Variants in RRP1 observed in about 807,000 individuals in gnomAD.
The protein encoded by RRP1 is ribosomal RNA processing protein 1 homolog A.
RRP1 carries 37 observed loss-of-function variants against 54.6 expected under a neutral mutation model. The ratio of observed to expected loss-of-function variants is 0.68; its 90% confidence interval spans 0.52 to 0.89. The LOEUF (loss-of-function observed/expected upper bound fraction) is 0.89, where lower values mean the gene tolerates loss of function less well. Ranked by LOEUF, RRP1 falls within the 40% of genes least tolerant of loss-of-function variation. The probability of loss-of-function intolerance (pLI) is 0.00; values close to 1 mark genes in which losing one functional copy is unlikely to be tolerated. For missense variants in RRP1, 639 were observed against 612.5 expected (o/e 1.04, Z -0.46); for synonymous variants, 262 against 244.3 (o/e 1.07, Z -0.67).
chr21:43,790,816 T>C (rs1329668643), intron 1 of RRP1: 2 of 343,768 alleles, frequency 5.8e-6, no homozygotes, highest in Non-Finnish European at 5.7e-6. Flanking sequence ...CTTGAACTCC[T>C]GGCCTCAAGT....
rs748872021 is a variant in RRP1 at position 43,797,485 on chromosome 21, C to T, written c.486C>T (p.Pro162=). The change falls in exon 6 of 13, where the codon CCC becomes CCT. Residue 162 remains proline, a synonymous_variant. Coordinates refer to ENST00000497547, the MANE Select transcript of RRP1 (RefSeq NM_003683.6). ...TEILHPSSQA[P]NGVKSHFIEI... is the part of the protein sequence containing the mutation. ...TCCTGCACCCCAGCAGCCAGGCCCC[C>T]AACGGTGTGAAGAGCCACTTCATCG... 20 of 1,613,802 alleles carry T rather than the reference C, an allele frequency of 1.2e-5. No individual in the cohort carries two copies. Among genetic ancestry groups the T allele is most frequent in the Admixed American group, 6.7e-5 (4 of 60,010 alleles).
In RRP1 at chr21:43,789,773, G is replaced by T. The variant is rs767559581; in HGVS notation, c.133+11G>T. 8 of 1,509,652 alleles carry T rather than the reference G, an allele frequency of 5.3e-6. No individual in the cohort carries two copies. Among genetic ancestry groups the T allele is most frequent in the East Asian group, 2.8e-5 (1 of 36,154 alleles). 93.5% of individuals were successfully genotyped at this position (1,509,652 alleles called of 1,614,324 possible). A position where few individuals can be genotyped will look rare whatever the true frequency, so the allele number is the denominator to read the frequency against. On this transcript the variant is annotated intron_variant, in intron 1 of 12. Coordinates refer to ENST00000497547, the MANE Select transcript of RRP1 (RefSeq NM_003683.6). ...CTCAGCGGGCCGCAGGTTGGCGGGG[G>T]TGTGGGCGGCTGGCGTCTCGGGGGC... is the stretch of plus-strand genomic sequence containing the variant.
In RRP1 at chr21:43,789,682, C is replaced by T; in HGVS notation, c.53C>T (p.Ala18Val). The part of the protein sequence containing the change: ...PPEIQLAQRL[A>V]GNEQVTRDRA... ...GAGATCCAGCTGGCTCAGCGCCTGG[C>T]GGGGAATGAGCAGGTGACCCGGGAC... Residue 18 changes from alanine to valine, a missense_variant, in exon 1 of 13, where the codon GCG becomes GTG. Physicochemically the swap from Ala to Val is moderately conservative, Grantham distance 64. Coordinates refer to ENST00000497547, the MANE Select transcript of RRP1 (RefSeq NM_003683.6). 6.4e-7 allele frequency: 1 copy of T among 1,569,730 alleles called. No homozygotes were observed. Among genetic ancestry groups the T allele is most frequent in the Non-Finnish European group, 8.6e-7 (1 of 1,158,850 alleles).
At position 43,802,419 on chromosome 21, in the gene RRP1, C is replaced by T. The variant is rs77504181; in HGVS notation, c.1123+32C>T. ...CTAGGGGGTGTGTTAGTCATGGAGC[C>T]GGCGTCCTCACCTGCTTGCTTCTCC... is the stretch of plus-strand genomic sequence containing the variant. On this transcript the variant is annotated intron_variant, in intron 12 of 12. Coordinates refer to ENST00000497547, the MANE Select transcript of RRP1 (RefSeq NM_003683.6). The T allele has an allele frequency of 1.9e-4, 296 of 1,568,370 alleles. 1 individual carries two copies. The highest frequency in any genetic ancestry group is 1.4e-3 in the African/African-American group (104 of 74,128).
At chr21:43,793,486 C>CA in intron 4 of RRP1, 82 bp downstream of exon 4, 1 of 1,237,958 alleles carries the variant, frequency 8.1e-7, no homozygotes, top group African/African-American at 1.5e-5. Context: ...GGCACCTGGG[C>CA]AGGGAGGCAA....
intron 5 of RRP1, among the ~76,000 whole-genome samples, chr21:43,796,228 C>T (rs543183647): frequency 1.6e-4 from 25 of 151,874 alleles, no homozygotes; most frequent in Non-Finnish European, 3.2e-4. Context: ...TTTAGGGCAG[C>T]GGTGCCTCTG....
rs753509960 is a variant in RRP1, at chr21:43,800,571, A to G, written c.946A>G (p.Thr316Ala). The G allele has an allele frequency of 1.2e-6, 2 of 1,614,116 alleles. No homozygotes were observed. The highest frequency in any genetic ancestry group is 4.5e-5 in the East Asian group (2 of 44,898). Reference sequence around the variant, plus strand: ...GTTTGAAATGGCCAGCCGCCAGAGCACCCCTTCTCAGAACAGAAAGCGTCT... The same window carrying G: ...GTTTGAAATGGCCAGCCGCCAGAGCGCCCCTTCTCAGAACAGAAAGCGTCT... ...RLFEMASRQSTPSQNRKRLYK... is the reference protein window; with the variant it reads ...RLFEMASRQSAPSQNRKRLYK... Residue 316 changes from threonine (T) to alanine (A), a missense_variant, in exon 10 of 13, where the codon ACC becomes GCC. Coordinates refer to ENST00000497547, the MANE Select transcript of RRP1 (RefSeq NM_003683.6).
Position 43,800,654 on chromosome 21 carries a change from G to C in RRP1, c.989+40G>C, listed in dbSNP as rs753608630. 4 of 1,597,054 alleles carry C rather than the reference G, an allele frequency of 2.5e-6. No homozygotes were observed. In the Admixed American group the frequency reaches 6.7e-5, roughly 27 times the overall value. On this transcript the variant is annotated intron_variant, in intron 10 of 12. Coordinates refer to ENST00000497547, the MANE Select transcript of RRP1 (RefSeq NM_003683.6). ...GCGCTGCGTCCTCCCTGCTCCCCTT[G>C]GAGTTGCCCTTTCTTGCTCAGATCT...
intron 4 of RRP1, among the ~76,000 whole-genome samples, chr21:43,794,368 C>T (rs968432636): frequency 6.6e-6 from 1 of 152,150 alleles, no homozygotes; most frequent in Non-Finnish European, 1.5e-5. Flanking sequence ...TGGATGCGTT[C>T]TGCTGCTTTC....
chr21:43,790,825 G>C (rs922985746), intron 1 of RRP1: 14 of 349,508 alleles, frequency 4.0e-5, no homozygotes, highest in African/African-American at 2.8e-4. Context: ...CTGGCCTCAA[G>C]TGATCCTGCC....
rs558081496 is a variant in RRP1 at position 43,796,812 on chromosome 21, G to A, written c.423-610G>A. ...ACCCCAGGAGGTCCAGATGCATGTA[G>A]GTGCTACACATTATTCTCTGGGGCT... is the stretch of plus-strand genomic sequence containing the variant. On this transcript the variant is annotated intron_variant, in intron 5 of 12. Coordinates refer to ENST00000497547, the MANE Select transcript of RRP1 (RefSeq NM_003683.6). 2.0e-5 allele frequency among the ~76,000 whole-genome samples: 3 copies of A among 152,304 alleles called. No homozygotes were observed. The East Asian group carries it at 5.8e-4, about 29-fold the overall frequency.
At chr21:43,792,864 T>C in intron 3 of RRP1, 135 bp downstream of exon 3, 1 of 857,246 alleles carries the variant, frequency 1.2e-6, no homozygotes, top group Non-Finnish European at 1.9e-6. Context: ...CGCCAGCTGG[T>C]GTCTGTGGGT....
chr21:43,796,705 G>A lies in RRP1; in HGVS notation c.423-717G>A, dbSNP rs556597116. On this transcript the variant is annotated intron_variant, in intron 5 of 12. Transcript: ENST00000497547. ...GAGCATCACTTTTCCTTTCCATCAC[G>A]AGTGATTCTCCAGCCTTGCTACGGA... 6.6e-5 allele frequency among the ~76,000 whole-genome samples: 10 copies of A among 152,254 alleles called. No individual in the cohort carries two copies. In the East Asian group the frequency reaches 1.2e-3, roughly 18 times the overall value.
chr21:43,795,048 G>C, intron 4 of RRP1, 141 bp from the exon 5 acceptor site: 3 of 764,128 alleles, frequency 3.9e-6, no homozygotes, highest in Non-Finnish European at 6.8e-6. Flanking sequence ...CAGCAGCTCT[G>C]GGGGCCGGCT....
At chr21:43,801,677 G>T (rs1439913790) in intron 11 of RRP1, among the ~76,000 whole-genome samples, 2 of 152,180 alleles carry the variant, frequency 1.3e-5, no homozygotes, top group African/African-American at 4.8e-5. Flanking sequence ...TCGCTGTGTT[G>T]CCCGGCTGGT....
At chr21:43,796,401 A>C (rs1258649894) in intron 5 of RRP1, among the ~76,000 whole-genome samples, 1 of 152,158 alleles carries the variant, frequency 6.6e-6, no homozygotes, top group Non-Finnish European at 1.5e-5. Context: ...TTTTTTTGGC[A>C]TATTATTACA....
intron 12 of RRP1, 60 bp downstream of exon 12, chr21:43,802,447 T>C: frequency 7.4e-7 from 1 of 1,347,732 alleles, no homozygotes; most frequent in Non-Finnish European, 1.1e-6. Context: ...GCTTCTCCCC[T>C]GGATGGGGGT....
In RRP1 at chr21:43,798,072, C is replaced by T; in HGVS notation, c.783C>T (p.Ser261=). Residue 261 remains serine, a synonymous_variant, in exon 8 of 13, where the codon TCC becomes TCT. Coordinates refer to ENST00000497547, the MANE Select transcript of RRP1 (RefSeq NM_003683.6). ...GTGGTGAGCGTGGAGACGCGCTGTC[C>T]CAGAAGAGGTCTGAGAAGCCGCCCG... ...SEGGERGDAL[S]QKRSEKPPAG... 1 of 1,613,606 alleles carries T rather than the reference C, an allele frequency of 6.2e-7. No homozygotes were observed. Among genetic ancestry groups the T allele is most frequent in the African/African-American group, 1.3e-5 (1 of 74,980 alleles).
chr21:43,794,853 C>T (rs1181860588), intron 4 of RRP1, among the ~76,000 whole-genome samples: 7 of 152,226 alleles, frequency 4.6e-5, no homozygotes, highest in African/African-American at 1.7e-4. Flanking sequence ...CTGGTTCTCC[C>T]TTATGAATCG....
Sources: allele counts gnomAD v4.1 joint callset (sites outside exome capture counted in the v4.1 genomes callset), GRCh38; gene constraint gnomAD v4.1.1; transcripts MANE v1.5; gene names NCBI Gene and HGNC (gene_info 2026-07-23, HGNC 2026-07-21).